MSL2: variants seen among roughly 807,000 people sequenced by gnomAD.
MSL2 encodes the protein MSL complex subunit 2.
In MSL2, 2 loss-of-function variants were observed where a neutral mutation model predicts 35.8. The observed-to-expected ratio is 0.06, with a 90% CI of 0.02 to 0.18. The LOEUF (loss-of-function observed/expected upper bound fraction) is 0.18. Ranked by LOEUF, MSL2 falls within the 10% of genes least tolerant of loss-of-function variation. MSL2 has a pLI of 1.00. For synonymous variants in MSL2, 296 were observed against 255.7 expected, an observed-to-expected ratio of 1.16 and a Z score of -1.50; for missense variants, 523 against 706.7, an observed-to-expected ratio of 0.74 and a Z score of 2.95.
At chr3:136,181,438 T>C (rs1185560858) in intron 1 of MSL2, among the ~76,000 whole-genome samples, 1 of 152,192 alleles carries the variant, frequency 6.6e-6, no homozygotes, top group Non-Finnish European at 1.5e-5. Context: ...CTCTTCACAT[T>C]ACCTCATTTT....
At chr3:136,185,705 C>A (rs769142802) in intron 1 of MSL2, among the ~76,000 whole-genome samples, 4 of 151,964 alleles carry the variant, frequency 2.6e-5, no homozygotes, top group Non-Finnish European at 4.4e-5. Flanking sequence ...AGGGTTTCAC[C>A]ATGTTGGCCA....
intron 1 of MSL2, among the ~76,000 whole-genome samples, chr3:136,182,634 C>A (rs992892739): frequency 3.3e-5 from 5 of 150,798 alleles, no homozygotes; most frequent in African/African-American, 1.2e-4. Flanking sequence ...GAGCGAAGCA[C>A]AGAGATGAGA....
At chr3:136,180,808 G>C in intron 1 of MSL2, among the ~76,000 whole-genome samples, 1 of 53,024 alleles carries the variant, frequency 1.9e-5, no homozygotes, top group East Asian at 1.4e-3. Flanking sequence ...GAGGGAGGGA[G>C]GGAAGGAGGG....
rs1253843753 is a variant in MSL2 at position 136,195,231 on chromosome 3, A to T, written c.-118T>A. Reference sequence around the variant, plus strand: ...ATTCGGAAGAAATCAGAGCCGAACCATTGGCCAAACAAGTAACCAAAATCC... The same window carrying T: ...ATTCGGAAGAAATCAGAGCCGAACCTTTGGCCAAACAAGTAACCAAAATCC... On this transcript the variant is annotated 5_prime_UTR_variant, in exon 1 of 2. The change abolishes an upstream ATG in the 5' untranslated region. Transcript: ENST00000309993. 6.6e-7 allele frequency: 1 copy of T among 1,509,990 alleles called. No individual in the cohort carries two copies. Among genetic ancestry groups the T allele is most frequent in the Non-Finnish European group, 8.8e-7 (1 of 1,133,954 alleles). The allele number at this position is 1,509,990 out of a possible 1,614,324, so 93.5% of individuals were successfully genotyped here. A position where few individuals can be genotyped will look rare whatever the true frequency, so the allele number is the denominator to read the frequency against.
At chr3:136,192,280 T>C (rs1355905047) in intron 1 of MSL2, among the ~76,000 whole-genome samples, 2 of 152,104 alleles carry the variant, frequency 1.3e-5, no homozygotes, top group Non-Finnish European at 2.9e-5. Flanking sequence ...TCAAGCAATG[T>C]CTGGAGATCG....
intron 1 of MSL2, among the ~76,000 whole-genome samples, chr3:136,190,516 G>T (rs1940657590): frequency 6.6e-6 from 1 of 150,644 alleles, no homozygotes; most frequent in South Asian, 2.1e-4. Context: ...CTGCACTCCA[G>T]CCTGGGTGAC....
chr3:136,172,570 G>A (rs1940058344), intron 1 of MSL2, among the ~76,000 whole-genome samples: 1 of 152,086 alleles, frequency 6.6e-6, no homozygotes, highest in Non-Finnish European at 1.5e-5. Flanking sequence ...CCCTTGAAAT[G>A]CTCTCCTCCT....
At chr3:136,185,981 G>A (rs1940511260) in intron 1 of MSL2, among the ~76,000 whole-genome samples, 1 of 152,264 alleles carries the variant, frequency 6.6e-6, no homozygotes, top group East Asian at 1.9e-4. Context: ...TCTAAAAGAG[G>A]TTGTCAAAAC....
chr3:136,194,687 A>C, intron 1 of MSL2: 1 of 359,974 alleles, frequency 2.8e-6, no homozygotes, highest in Non-Finnish European at 4.8e-6. Flanking sequence ...AGCCTTGTGC[A>C]TGCATCTTAC....
At chr3:136,186,889 G>A (rs564519742) in intron 1 of MSL2, among the ~76,000 whole-genome samples, 2 of 152,188 alleles carry the variant, frequency 1.3e-5, no homozygotes, top group African/African-American at 4.8e-5. Context: ...AAAAAGGTAG[G>A]GAACTGCCGC....
intron 1 of MSL2, among the ~76,000 whole-genome samples, chr3:136,187,891 T>C (rs1940566842): frequency 6.6e-6 from 1 of 152,072 alleles, no homozygotes; most frequent in South Asian, 2.1e-4. Flanking sequence ...AAGCTGGATT[T>C]TAATAAGCTT....
intron 1 of MSL2, among the ~76,000 whole-genome samples, chr3:136,164,881 CTT>C (rs397764663): frequency 6.8e-6 from 1 of 147,434 alleles, no homozygotes; most frequent in Non-Finnish European, 1.5e-5. Context: ...CACCTTCAGA[CTT>C]TTTTTTTTTG....
chr3:136,163,164 CAGG>C (rs1447597338), intron 1 of MSL2, among the ~76,000 whole-genome samples: 1 of 152,106 alleles, frequency 6.6e-6, no homozygotes, highest in Non-Finnish European at 1.5e-5. Context: ...AAGGCTACGG[CAGG>C]AGAACTGTTT....
At chr3:136,183,491 C>T (rs758592029) in intron 1 of MSL2, among the ~76,000 whole-genome samples, 2 of 152,032 alleles carry the variant, frequency 1.3e-5, no homozygotes, top group Non-Finnish European at 2.9e-5. Flanking sequence ...GGCACGACCT[C>T]GATCACTGCA....
intron 1 of MSL2, among the ~76,000 whole-genome samples, chr3:136,182,690 T>A (rs557771432): frequency 4.1e-5 from 6 of 146,964 alleles, no homozygotes; most frequent in African/African-American, 1.5e-4. Flanking sequence ...CACTCCAGCC[T>A]GGGAGACAGA....
rs1429959520 is a variant in MSL2 at position 136,151,645 on chromosome 3, A to G, written c.1236T>C (p.His412=). ...LLSTKSMKKS[H]EHGSKKSHSK... ...AGTGAGATTTCTTGGATCCATGTTC[A>G]TGACTCTTTTTCATGCTTTTAGTAG... The change falls in exon 2 of 2, where the codon CAT becomes CAC. Residue 412 remains histidine, a synonymous_variant. Coordinates refer to ENST00000309993, the MANE Select transcript of MSL2 (RefSeq NM_018133.4). The surrounding 1 kb of genome is among the most constrained non-coding windows in gnomAD (Gnocchi z 5.2). The G allele has an allele frequency of 1.9e-6, 3 of 1,614,122 alleles. No homozygotes were observed.
chr3:136,175,880 AC>A (rs1940158391), intron 1 of MSL2, among the ~76,000 whole-genome samples: 1 of 98,850 alleles, frequency 1.0e-5, no homozygotes, highest in African/African-American at 3.1e-5. Context: ...TATGCCAAAC[AC>A]TGTGCTAAGC....
intron 1 of MSL2, among the ~76,000 whole-genome samples, chr3:136,184,269 C>A (rs553040645): frequency 7.3e-5 from 11 of 151,668 alleles, no homozygotes; most frequent in Non-Finnish European, 1.0e-4. Flanking sequence ...GCACTTTAAC[C>A]TGAACGACAG....
chr3:136,192,008 G>A (rs1940703307), intron 1 of MSL2, among the ~76,000 whole-genome samples: 1 of 152,162 alleles, frequency 6.6e-6, no homozygotes. Context: ...AGGAAAGAAT[G>A]TGAAGCAGAA....
Sources: gnomAD v4.1 joint callset for allele counts (sites outside exome capture counted in the v4.1 genomes callset) on GRCh38, gnomAD v4.1.1 for gene constraint, Gnocchi (gnomAD v3.1) non-coding constraint, MANE v1.5 for transcripts, NCBI Gene and HGNC (gene_info 2026-07-23, HGNC 2026-07-21) for gene names.